RSF1: variants seen among roughly 807,000 people sequenced by gnomAD.
RSF1 encodes remodeling and spacing factor 1.
RSF1 carries 13 observed loss-of-function variants against 145.2 expected under a neutral mutation model. The ratio of observed to expected loss-of-function variants is 0.09; its 90% CI spans 0.06 to 0.14. RSF1 has a LOEUF of 0.14. Ranked by LOEUF, RSF1 falls within the 10% of genes least tolerant of loss-of-function variation. The pLI is 1.00. For missense variants in RSF1, 1,517 were observed against 1,718.2 expected, an observed-to-expected ratio of 0.88 and a Z score of 2.07; for synonymous variants, 577 against 592.6, an observed-to-expected ratio of 0.97 and a Z score of 0.38.
chr11:77,841,402 C>G, the RSF1 span: 1 of 591,592 alleles, frequency 1.7e-6, no homozygotes, highest in Non-Finnish European at 3.0e-6. Context: ...AACCCAGTTT[C>G]CCAAGATTCT....
chr11:77,818,379 T>C (rs1461857936), intron 1 of RSF1, among the ~76,000 whole-genome samples: 1 of 152,210 alleles, frequency 6.6e-6, no homozygotes, highest in Non-Finnish European at 1.5e-5. Context: ...TAGCCATCCT[T>C]TCCCCAAATG....
chr11:77,843,746 C>T, the RSF1 span, among the ~76,000 whole-genome samples: 1 of 152,218 alleles, frequency 6.6e-6, no homozygotes, highest in South Asian at 2.1e-4. Flanking sequence ...TGTATTAATT[C>T]ATTTTCATTA....
intron 8 of RSF1, 46 bp from the exon 9 acceptor site, chr11:77,691,284 A>C (rs1960143888): frequency 1.9e-6 from 3 of 1,544,718 alleles, no homozygotes; most frequent in Non-Finnish European, 2.7e-6. Flanking sequence ...AACTTTTAGC[A>C]ATCATTTATT....
intron 1 of RSF1, among the ~76,000 whole-genome samples, chr11:77,790,714 C>T (rs1203124717): frequency 4.6e-5 from 7 of 152,164 alleles, no homozygotes; most frequent in African/African-American, 1.7e-4. Context: ...AACAAAGGGG[C>T]TACAGGCCTC....
chr11:77,754,280 G>A (rs1366924341), intron 2 of RSF1, among the ~76,000 whole-genome samples: 8 of 152,122 alleles, frequency 5.3e-5, no homozygotes, highest in Non-Finnish European at 1.0e-4. Context: ...ACTCTGGATC[G>A]GGTGCTTACT....
chr11:77,771,409 A>G (rs539049469), intron 1 of RSF1, among the ~76,000 whole-genome samples: 1 of 152,294 alleles, frequency 6.6e-6, no homozygotes, highest in African/African-American at 2.4e-5. Context: ...AGGCAAAAGG[A>G]AATGCATGTA....
chr11:77,806,550 G>C (rs959750194), intron 1 of RSF1, among the ~76,000 whole-genome samples: 5 of 151,750 alleles, frequency 3.3e-5, no homozygotes, highest in Admixed American at 1.3e-4. Context: ...CCAGGTGTAG[G>C]GGCACAAGTA....
At position 77,792,256 on chromosome 11, in the gene RSF1, C is replaced by G. The variant is rs113179653; in HGVS notation, c.188-27567G>C. Among the ~76,000 whole-genome samples the G allele has an allele frequency of 1.8e-3, 271 of 152,166 alleles. 2 individuals are homozygous for G. The highest frequency in any genetic ancestry group is 6.8e-3 in the Middle Eastern group (2 of 294). On this transcript the variant is annotated intron_variant, in intron 1 of 15. Transcript: ENST00000308488. ...CGAGGACAGCACCAGAAAGACCTGCCCCCATGATTCAATTACCTCCCACCA... is the reference window on the plus strand; with the variant it reads ...CGAGGACAGCACCAGAAAGACCTGCGCCCATGATTCAATTACCTCCCACCA...
chr11:77,687,448 G>T (rs2135833147), intron 9 of RSF1, among the ~76,000 whole-genome samples: 1 of 152,230 alleles, frequency 6.6e-6, no homozygotes, highest in South Asian at 2.1e-4. Context: ...AATTTTGGGA[G>T]GCCAAGGTTA....
At chr11:77,824,842 G>A (rs199676574), upstream of RSF1, among the ~76,000 whole-genome samples, 1 of 152,284 alleles carries the variant, frequency 6.6e-6, no homozygotes, top group Middle Eastern at 3.4e-3. Flanking sequence ...ATGCAATTAT[G>A]CTTCAATTTT....
intron 1 of RSF1, among the ~76,000 whole-genome samples, chr11:77,808,624 C>T (rs1215560376): frequency 5.7e-5 from 6 of 104,540 alleles, no homozygotes; most frequent in African/African-American, 2.8e-4. Context: ...AGCTCCGCCT[C>T]CCGGGTTCAC....
Position 77,701,740 on chromosome 11 carries a change from T to A in RSF1, c.1489A>T (p.Met497Leu). 1 of 1,613,746 alleles carries A rather than the reference T, an allele frequency of 6.2e-7. No homozygotes were observed. ...TESLNSVITS[M>L]KTGELEKETA... is the part of the protein sequence containing the mutation. ...TCTTTCTCAAGCTCACCTGTTTTCATACTTGTTATGACAGAATTTAAGGAC... is the reference window on the plus strand; with the variant it reads ...TCTTTCTCAAGCTCACCTGTTTTCAAACTTGTTATGACAGAATTTAAGGAC... The change falls in exon 6 of 16, where the codon ATG becomes TTG. Residue 497 changes from methionine (M) to leucine (L), a missense_variant. Physicochemically the swap from Met to Leu is conservative, Grantham distance 15 (BLOSUM62 2). Transcript: ENST00000308488.
chr11:77,822,197 T>C (rs949092685), upstream of RSF1, among the ~76,000 whole-genome samples: 1 of 152,046 alleles, frequency 6.6e-6, no homozygotes, highest in African/African-American at 2.4e-5. Flanking sequence ...CCCAACACTT[T>C]GGGAAACCGA....
At chr11:77,825,840 T>A (rs614495), upstream of RSF1, among the ~76,000 whole-genome samples, 33,131 of 151,974 alleles carry the variant, frequency 0.22, 3,718 homozygotes, top group Middle Eastern at 0.25. Context: ...TACAGGCAAG[T>A]GCCACTACAT....
the RSF1 span, among the ~76,000 whole-genome samples, chr11:77,833,578 A>G: frequency 6.6e-6 from 1 of 152,208 alleles, no homozygotes; most frequent in African/African-American, 2.4e-5. Flanking sequence ...TGTGCAGCCC[A>G]GTTCCTAACA....
chr11:77,718,068 A>T (rs1351429165), intron 5 of RSF1: 1 of 152,236 alleles, frequency 6.6e-6, no homozygotes, highest in Non-Finnish European at 1.5e-5. Context: ...GCACTTTGGG[A>T]GGCCAACGTG....
chr11:77,820,872 A>C, upstream of RSF1: 19 of 740,264 alleles, frequency 2.6e-5, no homozygotes, highest in Non-Finnish European at 4.1e-5. Flanking sequence ...CCCACAATAC[A>C]TCGGCGGCCC....
At chr11:77,836,745 C>T in the RSF1 span, among the ~76,000 whole-genome samples, 2 of 152,308 alleles carry the variant, frequency 1.3e-5, no homozygotes, top group East Asian at 3.9e-4. Flanking sequence ...GCGGGTGGAT[C>T]GCCTGAGGCT....
chr11:77,818,403 C>A (rs1948802319), intron 1 of RSF1, among the ~76,000 whole-genome samples: 1 of 152,190 alleles, frequency 6.6e-6, no homozygotes, highest in African/African-American at 2.4e-5. Context: ...ACAGTTCGTT[C>A]TCTGAGAGAT....
Sources: gnomAD v4.1 joint callset for allele counts (sites outside exome capture counted in the v4.1 genomes callset) on GRCh38, gnomAD v4.1.1 for gene constraint, MANE v1.5 for transcripts, NCBI Gene and HGNC (gene_info 2026-07-23, HGNC 2026-07-21) for gene names.